Variants in SHC2 observed in about 807,000 individuals in gnomAD.
The protein encoded by SHC2 is SHC adaptor protein 2.
In SHC2, 62 loss-of-function variants were observed where a neutral mutation model predicts 60.6. The ratio of observed to expected loss-of-function variants is 1.02; its 90% CI spans 0.83 to 1.26. SHC2 has a LOEUF of 1.26. Among genes scored for constraint, SHC2 ranks in the 50% most tolerant of loss-of-function variants. The pLI is 0.00. For missense variants in SHC2, 873 were observed against 822.2 expected (o/e 1.06, Z -0.76); for synonymous variants, 375 against 372.4 (o/e 1.01, Z -0.08).
rs368338930 is a variant in SHC2, at chr19:438,436, GGCGTCCTGGCCCCTGCAGGGTGCTGAGCA to G, written c.720+253_720+281del. ...TGGGACGGACCACTCTCTGGGGTGG[GGCGTCCTGGCCCCTGCAGGGTGCTGAGCA>G]GCGTCCCTGCCCCCACCCACTCCAT... On this transcript the variant is annotated intron_variant, in intron 4 of 12. Coordinates refer to ENST00000264554, the MANE Select transcript of SHC2 (RefSeq NM_012435.3). This position sits in a 1 kb window ranked among gnomAD's most constrained non-coding sequence, Gnocchi z 5.0. Among the ~76,000 whole-genome samples the G allele has an allele frequency of 2.6e-3, 389 of 152,364 alleles. No homozygotes were observed. The highest frequency in any genetic ancestry group is 8.7e-3 in the African/African-American group (361 of 41,580).
chr19:427,795 G>A (rs1253174955), intron 9 of SHC2, among the ~76,000 whole-genome samples: 5 of 106,898 alleles, frequency 4.7e-5, no homozygotes, highest in Admixed American at 1.9e-4. Context: ...GACAGGGGAC[G>A]GCGCACAGCA....
intron 1 of SHC2, among the ~76,000 whole-genome samples, chr19:459,915 G>T (rs1057475065): frequency 3.9e-5 from 6 of 152,202 alleles, no homozygotes; most frequent in African/African-American, 1.4e-4. Context: ...CCACAGAGAG[G>T]GGCAGACCCG....
At chr19:439,309 AGGCCCGGCCCCCAGCTCT>A (rs1468214232) in intron 2 of SHC2, 5 of 514,804 alleles carry the variant, frequency 9.7e-6, no homozygotes, top group Non-Finnish European at 1.7e-5. Context: ...CATCCGGCAG[AGGCCCGGCCCCCAGCTCT>A]GGCCCCTCTA....
rs74644350 is a variant in SHC2, at chr19:424,147, G to T, written c.1309+950C>A. ...GGCAGCTCAGAGCCAACACCTCTCC[G>T]TGCTGGAGAAGGGCAGAGTCGAGGC... On this transcript the variant is annotated intron_variant, in intron 10 of 12. Transcript: ENST00000264554. This position sits in a 1 kb window ranked among gnomAD's most constrained non-coding sequence, Gnocchi z 4.5. Among the ~76,000 whole-genome samples, 3 of 152,202 alleles carry T rather than the reference G, an allele frequency of 2.0e-5. No individual in the cohort carries two copies. Among genetic ancestry groups the T allele is most frequent in the Non-Finnish European group, 4.4e-5 (3 of 68,040 alleles).
chr19:457,215 CCA>C (rs1370399807), intron 1 of SHC2, among the ~76,000 whole-genome samples: 40 of 133,116 alleles, frequency 3.0e-4, no homozygotes, highest in Non-Finnish European at 5.3e-4. Flanking sequence ...GCAAACCCCA[CCA>C]CATCAGGCCT....
chr19:427,548 A>G (rs1357810474), intron 9 of SHC2, among the ~76,000 whole-genome samples: 3 of 138,288 alleles, frequency 2.2e-5, no homozygotes, highest in African/African-American at 2.7e-5. Context: ...TGCGCACGGC[A>G]CAGGGAAGGG....
At chr19:451,538 G>A (rs190933882) in intron 1 of SHC2, among the ~76,000 whole-genome samples, 9 of 152,340 alleles carry the variant, frequency 5.9e-5, no homozygotes, top group African/African-American at 2.2e-4. Context: ...CCATTTCTGG[G>A]AGGTATATAT....
rs1974857470 is a variant in SHC2 at position 441,202 on chromosome 19, T to C, written c.469-270A>G. The stretch of plus-strand genomic sequence containing the variant: ...TCCCCCAGACGCTCTATGCTGCTTG[T>C]TCATTTAACCGTCTTGCCCTCGTCG... On this transcript the variant is annotated intron_variant, in intron 1 of 12. Transcript: ENST00000264554. This position sits in a 1 kb window ranked among gnomAD's most constrained non-coding sequence, Gnocchi z 4.9. 2.0e-6 allele frequency: 2 copies of C among 980,588 alleles called. No homozygotes were observed. The highest frequency in any genetic ancestry group is 6.2e-5 in the Admixed American group (1 of 16,240). The allele number at this position is 980,588 out of a possible 1,614,324, so 60.7% of individuals were successfully genotyped here.
At chr19:429,423 G>C (rs563226982) in intron 9 of SHC2, among the ~76,000 whole-genome samples, 1 of 147,534 alleles carries the variant, frequency 6.8e-6, no homozygotes, top group Admixed American at 6.9e-5. Context: ...ACCTAATACC[G>C]TGTGGATGAC....
At chr19:450,627 A>G (rs74459457) in intron 1 of SHC2, among the ~76,000 whole-genome samples, 5,065 of 152,276 alleles carry the variant, frequency 0.033, 280 homozygotes, top group African/African-American at 0.11. Context: ...CGAGTGAGAC[A>G]TCCTCAAGGT....
chr19:457,452 G>A (rs1341824081), intron 1 of SHC2, among the ~76,000 whole-genome samples: 1 of 152,202 alleles, frequency 6.6e-6, no homozygotes, highest in African/African-American at 2.4e-5. Flanking sequence ...CGCCTCCTGG[G>A]AGGGGCAGCC....
chr19:426,078 C>T (rs1269494866), intron 9 of SHC2, among the ~76,000 whole-genome samples: 3 of 151,964 alleles, frequency 2.0e-5, no homozygotes, highest in Non-Finnish European at 4.4e-5. Context: ...GGAACAGCAT[C>T]GCAGGTAACC....
Position 422,188 on chromosome 19 carries a change from G to A in SHC2, c.1578C>T (p.Ala526=), listed in dbSNP as rs367900777. Residue 526 remains alanine (A), a synonymous_variant, in exon 11 of 13, where the codon GCC becomes GCT. Transcript: ENST00000264554. This position sits in a 1 kb window ranked among gnomAD's most constrained non-coding sequence, Gnocchi z 5.0. The stretch of plus-strand genomic sequence containing the variant: ...CGAGCAGCAGGTGCTTGGGCTGCCC[G>A]GCGTGCATGCCGGTGAGGACATACT... ...PGQYVLTGMH[A]GQPKHLLLVD... 27 of 1,612,338 alleles carry A rather than the reference G, an allele frequency of 1.7e-5. No individual in the cohort carries two copies. Among genetic ancestry groups the A allele is most frequent in the East Asian group, 4.5e-5 (2 of 44,848 alleles).
intron 8 of SHC2, among the ~76,000 whole-genome samples, chr19:431,299 T>C (rs1421618630): frequency 3.4e-5 from 5 of 147,682 alleles, no homozygotes; most frequent in Non-Finnish European, 7.5e-5. Context: ...AGATCGTGAG[T>C]GAGAGTTAGA....
At chr19:423,955 G>A (rs1402700261) in intron 10 of SHC2, among the ~76,000 whole-genome samples, 1 of 152,196 alleles carries the variant, frequency 6.6e-6, no homozygotes, top group African/African-American at 2.4e-5. Context: ...GAGCCAAGAG[G>A]AGCAAGCTCT....
At chr19:435,890 A>T in intron 7 of SHC2, 4 of 404,464 alleles carry the variant, frequency 9.9e-6, no homozygotes, top group Middle Eastern at 6.9e-4. Context: ...TGGAGGAGGG[A>T]TATTGGTTGT....
intron 8 of SHC2, among the ~76,000 whole-genome samples, chr19:434,253 T>G (rs1444091533): frequency 2.1e-5 from 1 of 46,848 alleles, no homozygotes; most frequent in Non-Finnish European, 4.0e-5. Context: ...AGTGAGATCA[T>G]GAGTGAGTGA....
chr19:418,064 G>C (rs1974193215), intron 12 of SHC2, among the ~76,000 whole-genome samples: 2 of 151,954 alleles, frequency 1.3e-5, no homozygotes, highest in Non-Finnish European at 2.9e-5. Flanking sequence ...CCAGAGGAGA[G>C]ACCATGAGAT....
chr19:459,975 G>C (rs1975499694), intron 1 of SHC2, among the ~76,000 whole-genome samples: 1 of 152,184 alleles, frequency 6.6e-6, no homozygotes, highest in African/African-American at 2.4e-5. Context: ...CTGTGTCCAG[G>C]CGCCCGACTT....
Sources: allele counts gnomAD v4.1 joint callset (sites outside exome capture counted in the v4.1 genomes callset), GRCh38; gene constraint gnomAD v4.1.1; non-coding constraint Gnocchi (gnomAD v3.1); transcripts MANE v1.5; gene names NCBI Gene and HGNC (gene_info 2026-07-23, HGNC 2026-07-21).